The following MCF2L variants were observed in gnomAD, a reference collection of about 807,000 sequenced individuals.
MCF2L encodes MCF.2 cell line derived transforming sequence like.
In MCF2L, 97 loss-of-function variants were observed where a neutral mutation model predicts 153.4. The observed-to-expected ratio is 0.63, with a 90% CI of 0.54 to 0.75. The LOEUF is 0.75. Among genes scored for constraint, MCF2L ranks in the 30% least tolerant of loss-of-function variants. MCF2L has a pLI of 0.00. For synonymous variants in MCF2L, 659 were observed against 632.2 expected, an observed-to-expected ratio of 1.04 and a Z score of -0.64; for missense variants, 1,347 against 1,495.2, an observed-to-expected ratio of 0.90 and a Z score of 1.64.
At chr13:113,015,712 C>T (rs565029328) in intron 2 of MCF2L, among the ~76,000 whole-genome samples, 3 of 152,204 alleles carry the variant, frequency 2.0e-5, no homozygotes, top group Non-Finnish European at 4.4e-5. Context: ...AGACCAAAAT[C>T]GAAGAGACAG....
At chr13:112,936,808 C>T (rs2081519542) in intron 2 of MCF2L, among the ~76,000 whole-genome samples, 1 of 152,150 alleles carries the variant, frequency 6.6e-6, no homozygotes. Context: ...CGTGCATTCC[C>T]TCGTAGACTT....
At chr13:113,011,593 CGGT>C (rs2084110949) in intron 1 of MCF2L, among the ~76,000 whole-genome samples, 1 of 129,184 alleles carries the variant, frequency 7.7e-6, no homozygotes, top group Non-Finnish European at 1.6e-5. Flanking sequence ...GTGGTGTGGA[CGGT>C]GGACACTGCA....
At chr13:112,926,258 T>A (rs1038675537) in intron 2 of MCF2L, among the ~76,000 whole-genome samples, 1 of 150,930 alleles carries the variant, frequency 6.6e-6, no homozygotes, top group African/African-American at 2.4e-5. Context: ...CGGAGTGCAC[T>A]ATGGCCTGGT....
intron 1 of MCF2L, among the ~76,000 whole-genome samples, chr13:112,998,703 C>G: frequency 6.6e-6 from 1 of 152,182 alleles, no homozygotes; most frequent in East Asian, 1.9e-4. Flanking sequence ...TTCTGTCTTG[C>G]GCCGATTGGA....
At chr13:112,991,276 C>A (rs2082885801) in intron 1 of MCF2L, among the ~76,000 whole-genome samples, 1 of 151,754 alleles carries the variant, frequency 6.6e-6, no homozygotes. Flanking sequence ...CTCCCGGGAC[C>A]TGATTTGCTG....
intron 3 of MCF2L, among the ~76,000 whole-genome samples, chr13:113,034,967 G>A (rs2086060478): frequency 6.6e-6 from 1 of 152,208 alleles, no homozygotes; most frequent in Non-Finnish European, 1.5e-5. Flanking sequence ...GCATCAGGGT[G>A]AGCGCCCTGA....
chr13:112,977,366 A>G (rs2082251864), intron 1 of MCF2L, among the ~76,000 whole-genome samples: 1 of 151,950 alleles, frequency 6.6e-6, no homozygotes, highest in Admixed American at 6.6e-5. Context: ...GTGTTTTCTC[A>G]TGGAGGGGCT....
chr13:113,043,249 C>A (rs543326561), intron 3 of MCF2L: 1 of 152,374 alleles, frequency 6.6e-6, no homozygotes, highest in Non-Finnish European at 1.5e-5. Flanking sequence ...TGCAGGTGGG[C>A]AGCTTGGGGC....
chr13:113,040,436 G>GTGTT (rs147478810), intron 3 of MCF2L: 73 of 153,078 alleles, frequency 4.8e-4, no homozygotes, highest in African/African-American at 1.7e-3. Flanking sequence ...GTGTGTGTGT[G>GTGTT]TTTCTTTTCC....
chr13:113,090,044 T>A (rs769504543), intron 26 of MCF2L: 1 of 1,585,600 alleles, frequency 6.3e-7, no homozygotes, highest in East Asian at 2.3e-5. Flanking sequence ...GCCCTCTGCA[T>A]AGTTTCTTTC....
At chr13:112,899,767 G>A (rs372812822) in intron 1 of MCF2L, among the ~76,000 whole-genome samples, 4 of 152,218 alleles carry the variant, frequency 2.6e-5, no homozygotes, top group South Asian at 4.1e-4. Context: ...CCCTGTGGAC[G>A]GAGGGATCGC....
chr13:113,077,368 G>A (rs569649775), intron 13 of MCF2L, among the ~76,000 whole-genome samples, 157 bp downstream of exon 13: 6 of 152,230 alleles, frequency 3.9e-5, no homozygotes, highest in African/African-American at 1.2e-4. Context: ...CCTGAGGGCC[G>A]GTTCCCGCCA....
chr13:112,904,964 A>G lies in MCF2L; in HGVS notation c.169+2593A>G, dbSNP rs966070175. Among the ~76,000 whole-genome samples, 3 of 152,240 alleles carry G rather than the reference A, an allele frequency of 2.0e-5. No individual in the cohort carries two copies. Among genetic ancestry groups the G allele is most frequent in the African/African-American group, 7.2e-5 (3 of 41,472 alleles). On this transcript the variant is annotated intron_variant, in intron 2 of 29. Coordinates refer to the MCF2L transcript ENST00000375608. The surrounding 1 kb of genome is among the most constrained non-coding windows in gnomAD (Gnocchi z 4.2). The stretch of plus-strand genomic sequence containing the variant: ...AAATGTACCATTTTAACTACTGTCA[A>G]GTGTAGAGTTCCCTGGTATGAAATA...
intron 1 of MCF2L, among the ~76,000 whole-genome samples, chr13:112,989,586 C>A (rs1420856083): frequency 2.0e-4 from 4 of 19,994 alleles, no homozygotes; most frequent in African/African-American, 4.4e-4. Flanking sequence ...GGAGCTACCA[C>A]GCCCGAGTCC....
chr13:113,060,794 C>G (rs978015219), intron 5 of MCF2L, 82 bp downstream of exon 5: 5 of 1,565,666 alleles, frequency 3.2e-6, no homozygotes, highest in African/African-American at 1.3e-5. Context: ...TCGAAATCCT[C>G]GAGGAGCTGA....
chr13:113,095,179 C>A, intron 27 of MCF2L: 1 of 1,253,310 alleles, frequency 8.0e-7, no homozygotes. Flanking sequence ...CAAGAAAAAG[C>A]TGCCATGTGT....
At chr13:113,017,219 C>T (rs935472054) in intron 2 of MCF2L, among the ~76,000 whole-genome samples, 2 of 152,236 alleles carry the variant, frequency 1.3e-5, no homozygotes, top group Non-Finnish European at 2.9e-5. Context: ...ATGAAGCCCC[C>T]TTTTGTGTCC....
At chr13:113,016,615 C>CTG in intron 2 of MCF2L, among the ~76,000 whole-genome samples, 1 of 146,498 alleles carries the variant, frequency 6.8e-6, no homozygotes, top group Non-Finnish European at 1.5e-5. Context: ...ACTGCTGCCC[C>CTG]CGCGTCATAT....
At position 113,054,306 on chromosome 13, in the gene MCF2L, T is replaced by G. The variant is rs1214377303; in HGVS notation, c.370-6287T>G. 1 of 167,746 alleles carries G rather than the reference T, an allele frequency of 6.0e-6. No individual in the cohort carries two copies. The highest frequency in any genetic ancestry group is 1.5e-5 in the Non-Finnish European group (1 of 68,270). 10.4% of individuals were successfully genotyped at this position (167,746 alleles called of 1,614,324 possible). A position where few individuals can be genotyped will look rare whatever the true frequency, so the allele number is the denominator to read the frequency against. Reference sequence around the variant, plus strand: ...TCTCCCTGTATTTTCTCCCAGGCTTTCTAGAGGACCATTTGCTAGAGGACC... The same window carrying G: ...TCTCCCTGTATTTTCTCCCAGGCTTGCTAGAGGACCATTTGCTAGAGGACC... On this transcript the variant is annotated intron_variant, in intron 4 of 29. Coordinates refer to ENST00000535094, the MANE Select transcript of MCF2L (RefSeq NM_001112732.3). The surrounding 1 kb of genome is among the most constrained non-coding windows in gnomAD (Gnocchi z 5.2).
Sources: allele counts gnomAD v4.1 joint callset (sites outside exome capture counted in the v4.1 genomes callset), GRCh38; gene constraint gnomAD v4.1.1; non-coding constraint Gnocchi (gnomAD v3.1); transcripts MANE v1.5; gene names NCBI Gene and HGNC (gene_info 2026-07-23, HGNC 2026-07-21).